The following ADAM12 variants were observed in gnomAD, a reference collection of about 807,000 sequenced individuals.
The protein encoded by ADAM12 is disintegrin and metalloproteinase domain-containing protein 12.
A neutral mutation model predicts 106.4 loss-of-function variants in ADAM12; 70 were observed. The observed-to-expected ratio is 0.66, with a 90% CI of 0.54 to 0.80. The LOEUF is 0.80. ADAM12 is among the 30% of genes least tolerant of loss of function. The pLI is 0.00. For missense variants in ADAM12, 1,010 were observed against 1,171.9 expected (o/e 0.86, Z 2.02); for synonymous variants, 420 against 433.5 (o/e 0.97, Z 0.39).
intron 3 of ADAM12, among the ~76,000 whole-genome samples, chr10:126,266,674 C>A (rs1169979790): frequency 6.6e-6 from 1 of 152,138 alleles, no homozygotes; most frequent in African/African-American, 2.4e-5. Context: ...CATGGTTCTG[C>A]AAGCTGTACA....
intron 2 of ADAM12, among the ~76,000 whole-genome samples, chr10:126,279,739 AAAAG>A (rs1445601400): frequency 1.4e-4 from 22 of 152,174 alleles, no homozygotes; most frequent in South Asian, 4.2e-4. Flanking sequence ...AAAAAACAAA[AAAAG>A]AAGAAGAAGA....
chr10:126,104,040 G>T (rs762112412), intron 8 of ADAM12, among the ~76,000 whole-genome samples: 1 of 152,244 alleles, frequency 6.6e-6, no homozygotes, highest in Admixed American at 6.5e-5. Context: ...CTTTTGGGAA[G>T]AAACAGTGAG....
At chr10:126,233,453 G>A (rs1437946879) in intron 3 of ADAM12, among the ~76,000 whole-genome samples, 3 of 152,160 alleles carry the variant, frequency 2.0e-5, no homozygotes, top group Non-Finnish European at 2.9e-5. Context: ...GAACCAGCGG[G>A]GACCAGGAGT....
chr10:126,180,557 A>G (rs1957294769), intron 3 of ADAM12, among the ~76,000 whole-genome samples: 1 of 152,224 alleles, frequency 6.6e-6, no homozygotes, highest in Non-Finnish European at 1.5e-5. Context: ...AAAAGTATGC[A>G]TCTTTTATTT....
At chr10:126,186,941 C>T (rs1281488325) in intron 3 of ADAM12, among the ~76,000 whole-genome samples, 1 of 152,148 alleles carries the variant, frequency 6.6e-6, no homozygotes, top group African/African-American at 2.4e-5. Context: ...GAATCTGAGT[C>T]ATCATGAGCA....
intron 3 of ADAM12, among the ~76,000 whole-genome samples, chr10:126,226,254 A>G (rs1309992448): frequency 6.6e-6 from 1 of 152,116 alleles, no homozygotes; most frequent in Non-Finnish European, 1.5e-5. Context: ...TGTCAGCCTG[A>G]GCAAATCTCT....
chr10:126,243,970 G>T (rs1958581213), intron 3 of ADAM12, among the ~76,000 whole-genome samples: 1 of 152,174 alleles, frequency 6.6e-6, no homozygotes, highest in South Asian at 2.1e-4. Flanking sequence ...AAATCCGGGG[G>T]ATGACATTGC....
At chr10:126,219,243 G>T (rs189708942) in intron 3 of ADAM12, among the ~76,000 whole-genome samples, 4 of 152,310 alleles carry the variant, frequency 2.6e-5, no homozygotes, top group Non-Finnish European at 5.9e-5. Flanking sequence ...GACGACGTGT[G>T]ACCTCTGAGA....
At chr10:126,023,761 G>A (rs1953814681) in intron 21 of ADAM12, among the ~76,000 whole-genome samples, 1 of 152,148 alleles carries the variant, frequency 6.6e-6, no homozygotes, top group Non-Finnish European at 1.5e-5. Context: ...CATCACCTGG[G>A]TATTTCAATA....
At chr10:126,071,416 C>T (rs1012826461) in intron 12 of ADAM12, 61 bp downstream of exon 12, 2 of 1,575,212 alleles carry the variant, frequency 1.3e-6, no homozygotes, top group African/African-American at 2.7e-5. Context: ...CAAGTTCTCT[C>T]TTCTTTGCCT....
At chr10:126,094,399 C>T (rs1009867478) in intron 10 of ADAM12, among the ~76,000 whole-genome samples, 1 of 152,162 alleles carries the variant, frequency 6.6e-6, no homozygotes, top group African/African-American at 2.4e-5. Context: ...TTTTACATGA[C>T]ATCTTCAAGG....
intron 3 of ADAM12, among the ~76,000 whole-genome samples, chr10:126,212,991 G>T (rs1280234920): frequency 6.6e-6 from 1 of 152,010 alleles, no homozygotes; most frequent in African/African-American, 2.4e-5. Flanking sequence ...TACATTCATA[G>T]AATTGTGGGA....
intron 3 of ADAM12, among the ~76,000 whole-genome samples, chr10:126,187,530 T>C (rs1254540568): frequency 6.6e-6 from 1 of 152,142 alleles, no homozygotes; most frequent in Non-Finnish European, 1.5e-5. Context: ...GGAGTCATCA[T>C]GAGGTGGGAG....
intron 11 of ADAM12, among the ~76,000 whole-genome samples, chr10:126,079,429 G>A (rs1955169120): frequency 6.6e-6 from 1 of 152,138 alleles, no homozygotes; most frequent in African/African-American, 2.4e-5. Flanking sequence ...CCTACACCAT[G>A]TGGCCTTTTG....
chr10:126,100,980 A>G, intron 9 of ADAM12, 92 bp downstream of exon 9: 1 of 1,400,012 alleles, frequency 7.1e-7, no homozygotes, highest in Non-Finnish European at 9.8e-7. Context: ...CTCTGCAGAA[A>G]GGTGGCAGCT....
chr10:126,135,573 TG>T lies in ADAM12; in HGVS notation c.416+10del, dbSNP rs1447006753. On this transcript the variant is annotated intron_variant, in intron 5 of 22. Transcript: ENST00000448723. Reference sequence around the variant, plus strand: ...CTGAAGACTAGAGCCGCCATGGTCATGGCCACTTACCTGAGACCAGAACACG... The same window carrying T: ...CTGAAGACTAGAGCCGCCATGGTCATGCCACTTACCTGAGACCAGAACACG... 2.5e-6 allele frequency: 4 copies of T among 1,613,638 alleles called. No individual in the cohort carries two copies. The highest frequency in any genetic ancestry group is 3.4e-6 in the Non-Finnish European group (4 of 1,179,536).
intron 3 of ADAM12, among the ~76,000 whole-genome samples, chr10:126,189,257 C>T (rs917717740): frequency 3.3e-5 from 5 of 152,026 alleles, no homozygotes; most frequent in East Asian, 1.9e-4. Context: ...GGGAACAGCA[C>T]GTGGAAAGAA....
At chr10:126,163,473 C>G (rs1407724713) in intron 3 of ADAM12, among the ~76,000 whole-genome samples, 2 of 152,190 alleles carry the variant, frequency 1.3e-5, no homozygotes, top group Non-Finnish European at 1.5e-5. Context: ...AAAGTTCTTC[C>G]TGATAAAATG....
chr10:126,166,472 T>C (rs1307607106), intron 3 of ADAM12, among the ~76,000 whole-genome samples: 1 of 151,930 alleles, frequency 6.6e-6, no homozygotes, highest in Non-Finnish European at 1.5e-5. Context: ...AGGACTTACA[T>C]ACCATTTCAG....
Sources: allele counts gnomAD v4.1 joint callset (sites outside exome capture counted in the v4.1 genomes callset), GRCh38; gene constraint gnomAD v4.1.1; transcripts MANE v1.5; gene names NCBI Gene and HGNC (gene_info 2026-07-23, HGNC 2026-07-21).